Variants in CRTC3 observed in about 807,000 individuals in gnomAD.
CRTC3 encodes CREB regulated transcription coactivator 3.
Under a neutral mutation model 74.5 loss-of-function variants are expected in CRTC3, and 26 were observed. The ratio of observed to expected loss-of-function variants is 0.35; its 90% confidence interval spans 0.26 to 0.48. The LOEUF is 0.48. CRTC3 is among the 20% of genes least tolerant of loss of function. The probability of loss-of-function intolerance (pLI) is 0.99; values close to 1 mark genes in which losing one functional copy is unlikely to be tolerated. For synonymous variants in CRTC3, 377 were observed against 325.8 expected, an observed-to-expected ratio of 1.16 and a Z score of -1.69; for missense variants, 760 against 787.3, an observed-to-expected ratio of 0.97 and a Z score of 0.41.
chr15:90,558,795 A>G (rs538313337), intron 2 of CRTC3, among the ~76,000 whole-genome samples: 1 of 151,960 alleles, frequency 6.6e-6, no homozygotes, highest in East Asian at 1.9e-4. Context: ...TCTGTCGCCC[A>G]GGCTGGCGTG....
intron 11 of CRTC3, among the ~76,000 whole-genome samples, chr15:90,631,998 C>T (rs762360670): frequency 2.0e-5 from 3 of 151,742 alleles, no homozygotes; most frequent in Non-Finnish European, 4.4e-5. Context: ...ACTCCCTGAG[C>T]TCAGGTGATC....
intron 6 of CRTC3, chr15:90,614,045 C>G (rs1968428560): frequency 6.2e-6 from 1 of 162,556 alleles, no homozygotes; most frequent in African/African-American, 2.4e-5. Flanking sequence ...CTGTAGACAC[C>G]CATGGTAAGT....
rs1190815837 is a variant in CRTC3, at chr15:90,644,384, C to T, written c.*2244C>T. ...TGTTTTTATAAAACAGAGGTCTCAGCATAGTCACTCTTCACATAGTGCCTT... is the reference window on the plus strand; with the variant it reads ...TGTTTTTATAAAACAGAGGTCTCAGTATAGTCACTCTTCACATAGTGCCTT... On this transcript the variant is annotated 3_prime_UTR_variant, in exon 15 of 15. Coordinates refer to ENST00000268184, the MANE Select transcript of CRTC3 (RefSeq NM_022769.5). 1.3e-5 allele frequency: 3 copies of T among 231,000 alleles called. No homozygotes were observed. The highest frequency in any genetic ancestry group is 1.1e-4 in the Admixed American group (2 of 17,702). 14.3% of individuals were successfully genotyped at this position (231,000 alleles called of 1,614,324 possible). A position where few individuals can be genotyped will look rare whatever the true frequency, so the allele number is the denominator to read the frequency against.
chr15:90,596,944 G>C (rs1967941599), intron 3 of CRTC3, among the ~76,000 whole-genome samples: 1 of 152,218 alleles, frequency 6.6e-6, no homozygotes, highest in South Asian at 2.1e-4. Flanking sequence ...TCCTATGATA[G>C]GGTGATCTCA....
In CRTC3 at chr15:90,634,694, A is replaced by G. The variant is rs1010282131; in HGVS notation, c.1267-3752A>G. The G allele has an allele frequency of 1.7e-5, 11 of 653,866 alleles. No individual in the cohort carries two copies. The African/African-American group carries it at 2.0e-4, about 12-fold the overall frequency. 40.5% of individuals were successfully genotyped at this position (653,866 alleles called of 1,614,324 possible). Reference sequence around the variant, plus strand: ...CTGTCTCCTTGCGGCTCTACACTAGAGCGGAGTATGAGACTGAGGCGAAGG... The same window carrying G: ...CTGTCTCCTTGCGGCTCTACACTAGGGCGGAGTATGAGACTGAGGCGAAGG... On this transcript the variant is annotated intron_variant, in intron 11 of 14. Transcript: ENST00000268184.
chr15:90,641,312 C>A, intron 14 of CRTC3, 113 bp downstream of exon 14: 2 of 745,368 alleles, frequency 2.7e-6, no homozygotes, highest in Non-Finnish European at 4.5e-6. Context: ...AGTTAACGTT[C>A]CCTGGGTCGA....
chr15:90,613,259 G>C (rs1026487012), intron 6 of CRTC3, among the ~76,000 whole-genome samples: 1 of 151,900 alleles, frequency 6.6e-6, no homozygotes, highest in Non-Finnish European at 1.5e-5. Flanking sequence ...AATCTTTGAG[G>C]GTTGGGCCCA....
chr15:90,540,865 C>G (rs1246987163), intron 2 of CRTC3, among the ~76,000 whole-genome samples: 1 of 152,176 alleles, frequency 6.6e-6, no homozygotes, highest in Non-Finnish European at 1.5e-5. Context: ...ACTGAGAAAT[C>G]TCACATACTT....
At chr15:90,601,862 G>A (rs1968078938) in intron 3 of CRTC3, among the ~76,000 whole-genome samples, 1 of 152,046 alleles carries the variant, frequency 6.6e-6, no homozygotes, top group African/African-American at 2.4e-5. Flanking sequence ...ACGGCCCTTG[G>A]GCTTACCAGC....
At position 90,638,538 on chromosome 15, in the gene CRTC3, G is replaced by A. The variant is rs1203233813; in HGVS notation, c.1359G>A (p.Glu453=). 6.2e-7 allele frequency: 1 copy of A among 1,613,364 alleles called. No homozygotes were observed. Among genetic ancestry groups the A allele is most frequent in the Non-Finnish European group, 8.5e-7 (1 of 1,179,920 alleles). Reference sequence around the variant, plus strand: ...CACCCCCTTACCCTGCACCCCAGGAGCTCACCCAGCCCCTCCTGCAGCAGC... The same window carrying A: ...CACCCCCTTACCCTGCACCCCAGGAACTCACCCAGCCCCTCCTGCAGCAGC... ...SPPPPYPAPQ[E]LTQPLLQQPR... is the part of the protein sequence containing the mutation. The change falls in exon 12 of 15, where the codon GAG becomes GAA. Residue 453 remains glutamate (E), a synonymous_variant. Coordinates refer to ENST00000268184, the MANE Select transcript of CRTC3 (RefSeq NM_022769.5).
intron 13 of CRTC3, among the ~76,000 whole-genome samples, chr15:90,639,720 G>C (rs961198626): frequency 3.7e-4 from 55 of 149,374 alleles, no homozygotes; most frequent in Non-Finnish European, 1.2e-4. Flanking sequence ...AAAGTGCTGG[G>C]ATTACAGGTG....
chr15:90,644,153 G>GGGCCTGCT lies in CRTC3; in HGVS notation c.*2021_*2028dup, dbSNP rs1969547349. 4.4e-6 allele frequency: 1 copy of GGGCCTGCT among 228,364 alleles called. No homozygotes were observed. The highest frequency in any genetic ancestry group is 2.2e-5 in the African/African-American group (1 of 45,056). 14.1% of individuals were successfully genotyped at this position (228,364 alleles called of 1,614,324 possible). On this transcript the variant is annotated 3_prime_UTR_variant, in exon 15 of 15. Transcript: ENST00000268184. Reference sequence around the variant, plus strand: ...CCTCGCCTGATTTCCAGCTCAGGAAGGGCCTGCTGGCCTGCCCTGTTCCCA... The same window carrying GGGCCTGCT: ...CCTCGCCTGATTTCCAGCTCAGGAAGGGCCTGCTGGCCTGCTGGCCTGCCCTGTTCCCA...
intron 3 of CRTC3, among the ~76,000 whole-genome samples, chr15:90,596,937 T>A (rs1431052626): frequency 6.6e-6 from 1 of 152,274 alleles, no homozygotes; most frequent in Non-Finnish European, 1.5e-5. Flanking sequence ...GGTTCACTCC[T>A]ATGATAGGGT....
intron 2 of CRTC3, among the ~76,000 whole-genome samples, chr15:90,550,856 A>T (rs1966854401): frequency 6.7e-6 from 1 of 148,458 alleles, no homozygotes; most frequent in Non-Finnish European, 1.5e-5. Context: ...GTAGGGAAGG[A>T]TGAGCTCTGC....
At chr15:90,620,364 T>G (rs912474191) in intron 9 of CRTC3, among the ~76,000 whole-genome samples, 4 of 152,226 alleles carry the variant, frequency 2.6e-5, no homozygotes, top group African/African-American at 9.6e-5. Flanking sequence ...CAAAAAAGTT[T>G]CTATGAAACC....
rs1250900275 is a variant in CRTC3, at chr15:90,530,283, C to T, written c.132+80C>T. The T allele has an allele frequency of 3.4e-6, 3 of 870,464 alleles. No homozygotes were observed. The South Asian group carries it at 1.5e-4, about 44-fold the overall frequency. 53.9% of individuals were successfully genotyped at this position (870,464 alleles called of 1,614,324 possible). ...CGCGGCGGGTGAGAGGTTGCGGGGC[C>T]AAGGCGATGGCGGGGCCGGGCGGGG... On this transcript the variant is annotated intron_variant, in intron 1 of 14. Transcript: ENST00000268184. The surrounding 1 kb of genome is among the most constrained non-coding windows in gnomAD (Gnocchi z 6.2).
intron 11 of CRTC3, among the ~76,000 whole-genome samples, chr15:90,636,016 A>G (rs933492447): frequency 6.6e-6 from 1 of 152,154 alleles, no homozygotes; most frequent in Non-Finnish European, 1.5e-5. Context: ...CATCCCCATC[A>G]AGCTACCAAT....
chr15:90,539,590 G>A (rs1966771464), intron 1 of CRTC3: 1 of 178,740 alleles, frequency 5.6e-6, no homozygotes, highest in Admixed American at 6.4e-5. Flanking sequence ...AAAGGCTTAT[G>A]ATGAGCATGC....
intron 13 of CRTC3, 199 bp from the exon 14 acceptor site, chr15:90,640,898 C>A: frequency 3.5e-6 from 2 of 573,990 alleles, no homozygotes; most frequent in Non-Finnish European, 6.3e-6. Context: ...AGGGACCCCT[C>A]CTCCACCCCA....
Sources: allele counts gnomAD v4.1 joint callset (sites outside exome capture counted in the v4.1 genomes callset), GRCh38; gene constraint gnomAD v4.1.1; non-coding constraint Gnocchi (gnomAD v3.1); transcripts MANE v1.5; gene names NCBI Gene and HGNC (gene_info 2026-07-23, HGNC 2026-07-21).